INPP4B: variants seen among roughly 807,000 people sequenced by gnomAD.
INPP4B encodes the protein inositol polyphosphate-4-phosphatase type II B, also known as inositol polyphosphate 4-phosphatase type II.
A neutral mutation model predicts 122.5 loss-of-function variants in INPP4B; 55 were observed. The ratio of observed to expected loss-of-function variants is 0.45; its 90% CI spans 0.36 to 0.56. The LOEUF is 0.56. INPP4B is among the 20% of genes least tolerant of loss of function. INPP4B has a pLI of 0.00. For synonymous variants in INPP4B, 403 were observed against 388.7 expected (o/e 1.04, Z -0.43); for missense variants, 1,000 against 1,097.7 (o/e 0.91, Z 1.26).
At chr4:142,243,825 T>G (rs547331436) in intron 11 of INPP4B, among the ~76,000 whole-genome samples, 32 of 152,162 alleles carry the variant, frequency 2.1e-4, no homozygotes, top group African/African-American at 7.2e-4. Flanking sequence ...GAAAGTTATC[T>G]CAATATTTAG....
intron 1 of INPP4B, among the ~76,000 whole-genome samples, chr4:142,782,629 TC>T: frequency 6.6e-6 from 1 of 151,882 alleles, no homozygotes; most frequent in Admixed American, 6.6e-5. Flanking sequence ...TTTCTCCACA[TC>T]CTCTCCAGCA....
chr4:142,155,730 A>G (rs180902098), intron 17 of INPP4B, among the ~76,000 whole-genome samples: 1 of 152,228 alleles, frequency 6.6e-6, no homozygotes, highest in African/African-American at 2.4e-5. Flanking sequence ...AAGGTATAGT[A>G]CAAAATGAAC....
In INPP4B at chr4:142,545,680, A is replaced by AAT. The variant is rs1162259803; in HGVS notation, c.-190-82956_-190-82955dup. 1.3e-3 allele frequency among the ~76,000 whole-genome samples: 122 copies of AAT among 93,206 alleles called. 1 individual carries two copies. The highest frequency in any genetic ancestry group is 2.8e-3 in the South Asian group (8 of 2,864). The allele number at this position is 93,206 out of a possible 152,430, so 61.1% of individuals were successfully genotyped here. On this transcript the variant is annotated intron_variant, in intron 2 of 25. Transcript: ENST00000262992. ...GCAAAGAACAAGAGATATTAGATTT[A>AAT]ATACACACATATATATGTGTATATA...
intron 2 of INPP4B, among the ~76,000 whole-genome samples, chr4:142,521,779 T>C (rs1016048297): frequency 2.0e-5 from 3 of 152,148 alleles, no homozygotes; most frequent in South Asian, 2.1e-4. Context: ...TTTGTACACA[T>C]TGTGAATTAA....
intron 7 of INPP4B, among the ~76,000 whole-genome samples, chr4:142,359,237 A>G (rs967705230): frequency 2.0e-5 from 3 of 151,148 alleles, no homozygotes; most frequent in African/African-American, 7.3e-5. Flanking sequence ...AAAAAAAAAA[A>G]CAGGCTCTGG....
chr4:142,254,316 T>C (rs138005074), intron 11 of INPP4B, among the ~76,000 whole-genome samples: 82,183 of 113,384 alleles, frequency 0.72, 31,528 homozygotes, highest in East Asian at 0.92. Context: ...TCCAAAGGAA[T>C]GCAGTTCCTC....
At chr4:142,414,250 A>G (rs1483309049) in intron 5 of INPP4B, among the ~76,000 whole-genome samples, 3 of 152,028 alleles carry the variant, frequency 2.0e-5, no homozygotes, top group African/African-American at 7.2e-5. Context: ...TGTCACCATT[A>G]TTTTATGTGT....
At chr4:142,340,453 G>T (rs1451286831) in intron 7 of INPP4B, among the ~76,000 whole-genome samples, 2 of 151,774 alleles carry the variant, frequency 1.3e-5, no homozygotes, top group African/African-American at 2.4e-5. Context: ...TGTCACCCAG[G>T]CTGGAGTATA....
At chr4:142,449,636 G>T (rs1315538137) in intron 3 of INPP4B, among the ~76,000 whole-genome samples, 1 of 151,650 alleles carries the variant, frequency 6.6e-6, no homozygotes, top group Non-Finnish European at 1.5e-5. Flanking sequence ...TGGGAAGCAG[G>T]TTGCAATGAG....
In INPP4B at chr4:142,264,101, G is replaced by A. The variant is rs536632686; in HGVS notation, c.616-3537C>T. ...TCAGAGAGTTGAGAAGCTGTGAGAGGAAAGACATGTCCTAAGTTTCATTTA... is the reference window on the plus strand; with the variant it reads ...TCAGAGAGTTGAGAAGCTGTGAGAGAAAAGACATGTCCTAAGTTTCATTTA... On this transcript the variant is annotated intron_variant, in intron 10 of 25. Coordinates refer to ENST00000262992, the MANE Select transcript of INPP4B (RefSeq NM_001101669.3). 5.3e-5 allele frequency among the ~76,000 whole-genome samples: 8 copies of A among 152,196 alleles called. No individual in the cohort carries two copies. The East Asian group carries it at 1.6e-3, about 30-fold the overall frequency.
intron 25 of INPP4B, among the ~76,000 whole-genome samples, chr4:142,064,062 C>T (rs1314957612): frequency 6.6e-6 from 1 of 152,100 alleles, no homozygotes; most frequent in Admixed American, 6.6e-5. Context: ...AATAATGTCC[C>T]ATGATTTAGA....
chr4:142,549,591 G>A (rs978345821), intron 2 of INPP4B, among the ~76,000 whole-genome samples: 2 of 152,128 alleles, frequency 1.3e-5, no homozygotes. Flanking sequence ...CTTCTCCAGG[G>A]TGATCATATA....
At chr4:142,220,788 C>G (rs571622294) in intron 12 of INPP4B, among the ~76,000 whole-genome samples, 1 of 152,270 alleles carries the variant, frequency 6.6e-6, no homozygotes, top group African/African-American at 2.4e-5. Context: ...TGCAACCCCT[C>G]TCGTTGGCTT....
chr4:142,216,933 C>G (rs1847534450), intron 12 of INPP4B, among the ~76,000 whole-genome samples: 1 of 152,078 alleles, frequency 6.6e-6, no homozygotes, highest in Non-Finnish European at 1.5e-5. Context: ...GAATATTAAA[C>G]AGATAAGTAT....
chr4:142,166,053 T>G (rs2152925404), intron 16 of INPP4B, among the ~76,000 whole-genome samples: 1 of 151,872 alleles, frequency 6.6e-6, no homozygotes, highest in East Asian at 1.9e-4. Flanking sequence ...CTTTTGCCCA[T>G]TTTTAATTGA....
chr4:142,625,796 T>C (rs1446711075), intron 2 of INPP4B, among the ~76,000 whole-genome samples: 2 of 152,066 alleles, frequency 1.3e-5, no homozygotes, highest in Non-Finnish European at 2.9e-5. Context: ...TATAGATCAA[T>C]GGAACAGAAC....
intron 3 of INPP4B, among the ~76,000 whole-genome samples, chr4:142,457,505 TAA>T (rs1815712538): frequency 6.6e-6 from 1 of 152,054 alleles, no homozygotes; most frequent in Non-Finnish European, 1.5e-5. Flanking sequence ...AGAAAACATA[TAA>T]GATATATTGA....
intron 9 of INPP4B, among the ~76,000 whole-genome samples, chr4:142,283,901 G>A (rs973052408): frequency 6.6e-6 from 1 of 152,078 alleles, no homozygotes; most frequent in Non-Finnish European, 1.5e-5. Flanking sequence ...TGATAGTGAT[G>A]AGGAGCAACC....
At chr4:142,567,041 A>G (rs538402951) in intron 2 of INPP4B, among the ~76,000 whole-genome samples, 22 of 152,254 alleles carry the variant, frequency 1.4e-4, no homozygotes, top group Non-Finnish European at 2.9e-4. Flanking sequence ...TTTACACATC[A>G]GGTATCTGAT....
Sources: allele counts gnomAD v4.1 joint callset (sites outside exome capture counted in the v4.1 genomes callset), GRCh38; gene constraint gnomAD v4.1.1; transcripts MANE v1.5; gene names NCBI Gene and HGNC (gene_info 2026-07-23, HGNC 2026-07-21).